Variants in ANK2 observed in about 807,000 individuals in gnomAD.
ANK2 encodes the protein ankyrin 2.
ANK2 carries 83 observed loss-of-function variants against 360.5 expected under a neutral mutation model. The observed-to-expected ratio is 0.23, with a 90% CI of 0.19 to 0.28. ANK2 has a LOEUF of 0.28. Among genes scored for constraint, ANK2 ranks in the 10% least tolerant of loss-of-function variants. The pLI is 1.00. For missense variants in ANK2, 4,201 were observed against 4,795.7 expected (o/e 0.88, Z 3.66); for synonymous variants, 1,740 against 1,759.5 (o/e 0.99, Z 0.28).
chr4:112,804,446 C>T, the ANK2 span, among the ~76,000 whole-genome samples: 1 of 152,174 alleles, frequency 6.6e-6, no homozygotes, highest in African/African-American at 2.4e-5. Flanking sequence ...GGCATTAGCA[C>T]TGCATTTCAA....
intron 31 of ANK2, among the ~76,000 whole-genome samples, chr4:113,337,533 T>C (rs2093703477): frequency 6.6e-6 from 1 of 152,240 alleles, no homozygotes; most frequent in South Asian, 2.1e-4. Flanking sequence ...GGTGTTGGTA[T>C]TCAGTAAATA....
intron 1 of ANK2, among the ~76,000 whole-genome samples, chr4:113,169,603 G>A (rs1468001716): frequency 2.0e-5 from 3 of 152,250 alleles, no homozygotes; most frequent in Non-Finnish European, 4.4e-5. Context: ...CTGTGACGGG[G>A]GAGGTGTTCA....
chr4:112,806,646 A>G, the ANK2 span, among the ~76,000 whole-genome samples: 1 of 152,020 alleles, frequency 6.6e-6, no homozygotes, highest in Non-Finnish European at 1.5e-5. Context: ...CCTGGGAAAC[A>G]TGGCAAGACC....
chr4:113,270,960 A>T (rs1031321390), intron 14 of ANK2, among the ~76,000 whole-genome samples: 8 of 152,234 alleles, frequency 5.3e-5, no homozygotes, highest in Non-Finnish European at 7.3e-5. Flanking sequence ...TTTAGAATTC[A>T]TCAAGCATTT....
At chr4:112,716,516 T>G in the ANK2 span, among the ~76,000 whole-genome samples, 1 of 152,218 alleles carries the variant, frequency 6.6e-6, no homozygotes, top group African/African-American at 2.4e-5. Flanking sequence ...TTCAATTGTT[T>G]ATATCGTAAG....
At position 113,351,811 on chromosome 4, in the gene ANK2, A is replaced by C. The variant is rs145059741; in HGVS notation, c.4427-1234A>C. On this transcript the variant is annotated intron_variant, in intron 37 of 45. Transcript: ENST00000357077. ...GTGTTTTGAGTGTTTCAGAAGTTTT[A>C]AATACAGACTCAAGTTTGCTTTTGA... Among the ~76,000 whole-genome samples, 413 of 152,332 alleles carry C rather than the reference A, an allele frequency of 2.7e-3. 1 individual carries two copies. Among genetic ancestry groups the C allele is most frequent in the African/African-American group, 9.2e-3 (384 of 41,586 alleles).
At chr4:112,874,620 G>A (rs980527525) in intron 1 of ANK2, among the ~76,000 whole-genome samples, 10 of 143,130 alleles carry the variant, frequency 7.0e-5, no homozygotes, top group Non-Finnish European at 1.4e-4. Flanking sequence ...CCAGCTGGGT[G>A]CGACAGAGGA....
At position 113,354,988 on chromosome 4, in the gene ANK2, C is replaced by G; in HGVS notation, c.6370C>G (p.Leu2124Val). The G allele has an allele frequency of 6.2e-7, 1 of 1,614,024 alleles. No individual in the cohort carries two copies. Among genetic ancestry groups the G allele is most frequent in the Non-Finnish European group, 8.5e-7 (1 of 1,179,966 alleles). Reference protein sequence around the residue: ...KMADEQGDMDLQISPDRKTST... With the variant: ...KMADEQGDMDVQISPDRKTST... ...GGCTGATGAGCAGGGAGACATGGAT[C>G]TACAGATCAGCCCAGATAGGAAAAC... The change falls in exon 38 of 46, where the codon CTA becomes GTA. Residue 2124 changes from leucine (L) to valine (V), a missense_variant. Leu to Val is a conservative substitution (Grantham distance 32). Transcript: ENST00000357077.
the ANK2 span, among the ~76,000 whole-genome samples, chr4:112,801,504 A>G: frequency 4.9e-4 from 74 of 152,302 alleles, no homozygotes; most frequent in African/African-American, 1.7e-3. Context: ...TTGACAGAGA[A>G]GGCACAGGAT....
intron 4 of ANK2, among the ~76,000 whole-genome samples, chr4:113,220,537 A>G (rs1298068385): frequency 6.6e-6 from 1 of 152,260 alleles, no homozygotes; most frequent in South Asian, 2.1e-4. Context: ...TACTTTCTCT[A>G]TGATTTTTAA....
intron 24 of ANK2, among the ~76,000 whole-genome samples, chr4:113,312,764 G>A (rs1442319936): frequency 6.6e-6 from 1 of 152,218 alleles, no homozygotes; most frequent in Non-Finnish European, 1.5e-5. Flanking sequence ...TGTTGCTGGA[G>A]TGTAAGTGTG....
rs111496113 is a variant in ANK2, at chr4:113,065,495, A to T, written c.84+15683A>T. ...TTTCCAGTTCTAACTGTCTTATTCC[A>T]TATAAGGAAATGGAGACCCAAAGAA... On this transcript the variant is annotated intron_variant, in intron 1 of 45. Transcript: ENST00000357077. Among the ~76,000 whole-genome samples, 253 of 152,322 alleles carry T rather than the reference A, an allele frequency of 1.7e-3. 1 individual carries two copies. The highest frequency in any genetic ancestry group is 3.1e-3 in the South Asian group (15 of 4,826).
intron 1 of ANK2, among the ~76,000 whole-genome samples, chr4:112,863,622 ACG>A: frequency 1.4e-5 from 2 of 142,686 alleles, no homozygotes; most frequent in South Asian, 4.3e-4. Flanking sequence ...TCCCGGGTTC[ACG>A]CCATTCTCCT....
At chr4:113,008,350 G>A (rs971388033) in intron 2 of ANK2, among the ~76,000 whole-genome samples, 3 of 152,114 alleles carry the variant, frequency 2.0e-5, no homozygotes, top group African/African-American at 4.8e-5. Context: ...TTTTGCAAGT[G>A]TAGCCCTAGA....
chr4:113,370,481 C>T (rs1273362969), intron 43 of ANK2, among the ~76,000 whole-genome samples: 1 of 151,980 alleles, frequency 6.6e-6, no homozygotes, highest in Non-Finnish European at 1.5e-5. Context: ...AACCATTGGC[C>T]AGGCGCGGTG....
chr4:112,759,120 T>C, the ANK2 span, among the ~76,000 whole-genome samples: 20 of 152,094 alleles, frequency 1.3e-4, no homozygotes, highest in African/African-American at 4.8e-4. Context: ...AGGTCTACTA[T>C]CAGAGCAGTC....
At chr4:113,324,719 T>A (rs902719476) in intron 26 of ANK2, among the ~76,000 whole-genome samples, 1 of 152,198 alleles carries the variant, frequency 6.6e-6, no homozygotes, top group African/African-American at 2.4e-5. Context: ...TGCAATGGTT[T>A]GTCTCACAGT....
intron 1 of ANK2, among the ~76,000 whole-genome samples, chr4:112,838,799 G>T (rs911449013): frequency 6.6e-6 from 1 of 152,216 alleles, no homozygotes; most frequent in Non-Finnish European, 1.5e-5. Context: ...AACCTGGGAG[G>T]CAGAGGTTGC....
At chr4:113,120,726 A>G (rs2095296649) in intron 1 of ANK2, among the ~76,000 whole-genome samples, 1 of 152,028 alleles carries the variant, frequency 6.6e-6, no homozygotes, top group Non-Finnish European at 1.5e-5. Context: ...GCCTGGTACC[A>G]ATTGGTGATT....
Sources: allele counts gnomAD v4.1 joint callset (sites outside exome capture counted in the v4.1 genomes callset), GRCh38; gene constraint gnomAD v4.1.1; transcripts MANE v1.5; gene names NCBI Gene and HGNC (gene_info 2026-07-23, HGNC 2026-07-21).